The following ABCB4 variants were observed in gnomAD, a reference collection of about 807,000 sequenced individuals.
ABCB4 encodes the protein phosphatidylcholine translocator ABCB4.
In ABCB4, 76 loss-of-function variants were observed where a neutral mutation model predicts 145.7. The ratio of observed to expected loss-of-function variants is 0.52; its 90% CI spans 0.43 to 0.63. The LOEUF (loss-of-function observed/expected upper bound fraction) is 0.63. Among genes scored for constraint, ABCB4 ranks in the 30% least tolerant of loss-of-function variants. ABCB4 has a pLI of 0.00. For synonymous variants in ABCB4, 517 were observed against 566.8 expected (o/e 0.91, Z 1.25); for missense variants, 1,234 against 1,553.1 (o/e 0.79, Z 3.45).
the ABCB4 span, chr7:87,393,066 A>G: frequency 6.2e-7 from 1 of 1,611,514 alleles, no homozygotes. Context: ...CAGAGATGAC[A>G]GGTGAGGCTT....
chr7:87,395,699 C>T, the ABCB4 span, among the ~76,000 whole-genome samples: 2 of 152,088 alleles, frequency 1.3e-5, no homozygotes, highest in Admixed American at 1.3e-4. Context: ...TCAGGAAGTA[C>T]CTAGCCTTTT....
At position 87,463,812 on chromosome 7, in the gene ABCB4, C is replaced by T. The variant is rs146782601; in HGVS notation, c.136-904G>A. Among the ~76,000 whole-genome samples, 621 of 152,276 alleles carry T rather than the reference C, an allele frequency of 4.1e-3. 3 individuals carry two copies. The highest frequency in any genetic ancestry group is 0.014 in the African/African-American group (591 of 41,554). ...AGTTGTCACAGTGAAGTGCACAACC[C>T]TCAAGAACTAACCAGCAGTTCAGTG... On this transcript the variant is annotated intron_variant, in intron 3 of 27. Coordinates refer to ENST00000649586, the MANE Select transcript of ABCB4 (RefSeq NM_000443.4).
chr7:87,420,188 C>T (rs891332382), intron 18 of ABCB4, 113 bp from the exon 19 acceptor site: 53 of 970,388 alleles, frequency 5.5e-5, no homozygotes, highest in African/African-American at 1.8e-4. Flanking sequence ...ACAGTTGCCA[C>T]GGATCCTCAA....
chr7:87,373,199 G>A, the ABCB4 span, among the ~76,000 whole-genome samples: 3 of 152,062 alleles, frequency 2.0e-5, no homozygotes, highest in African/African-American at 7.2e-5. Flanking sequence ...TGATGTTAAA[G>A]ATTTTTTCAC....
intron 2 of ABCB4, 123 bp downstream of exon 2, chr7:87,475,263 A>T: frequency 1.7e-6 from 2 of 1,182,750 alleles, no homozygotes; most frequent in Middle Eastern, 3.8e-4. Flanking sequence ...AGACCCTTCA[A>T]AGAAGCCTCC....
chr7:87,384,807 C>T, the ABCB4 span, among the ~76,000 whole-genome samples: 2 of 152,182 alleles, frequency 1.3e-5, no homozygotes, highest in Non-Finnish European at 2.9e-5. Context: ...TCTTACAGAG[C>T]ATCCTCAATG....
rs1811847765 is a variant in ABCB4, at chr7:87,452,943, C to T, written c.536+1G>A. ...AAGTGTGACATTAACAATGTACCTA[C>T]TCTGTTAGCCGCGTATTGAGTTCAG... On this transcript the variant is annotated splice_donor_variant, in intron 6 of 27. Transcript: ENST00000649586. LOFTEE classifies it high-confidence loss of function. 1 of 1,613,440 alleles carries T rather than the reference C, an allele frequency of 6.2e-7. No individual in the cohort carries two copies. Among genetic ancestry groups the T allele is most frequent in the Admixed American group, 1.7e-5 (1 of 59,976 alleles).
chr7:87,433,271 A>G (rs905522471), intron 14 of ABCB4, among the ~76,000 whole-genome samples: 3 of 152,220 alleles, frequency 2.0e-5, no homozygotes, highest in Admixed American at 1.3e-4. Flanking sequence ...CACTGGAAAG[A>G]GAGAGAGGCT....
At chr7:87,372,356 T>G in the ABCB4 span, among the ~76,000 whole-genome samples, 1 of 152,236 alleles carries the variant, frequency 6.6e-6, no homozygotes, top group Non-Finnish European at 1.5e-5. Flanking sequence ...ATCATTTGCT[T>G]TTGTATCTTG....
chr7:87,426,959 G>GTGTGTGTGTGTT, intron 15 of ABCB4, 39 bp from the exon 16 acceptor site: 1 of 1,510,666 alleles, frequency 6.6e-7, no homozygotes, highest in Non-Finnish European at 9.1e-7. Flanking sequence ...GTGTGTGTGT[G>GTGTGTGTGTGTT]TGTGTGTGTG....
chr7:87,403,034 GT>G (rs1422990369), intron 27 of ABCB4, 100 bp downstream of exon 27: 47 of 1,294,122 alleles, frequency 3.6e-5, no homozygotes, highest in Non-Finnish European at 4.9e-5. Context: ...AACGTTCTGT[GT>G]TTTTCCCCCT....
intron 14 of ABCB4, among the ~76,000 whole-genome samples, chr7:87,435,993 C>A (rs1272553041): frequency 6.6e-6 from 1 of 152,122 alleles, no homozygotes; most frequent in Non-Finnish European, 1.5e-5. Flanking sequence ...ATATTTCCTG[C>A]AGTGACTTGG....
At chr7:87,383,481 T>C in the ABCB4 span, among the ~76,000 whole-genome samples, 6 of 149,396 alleles carry the variant, frequency 4.0e-5, no homozygotes, top group East Asian at 2.0e-4. Flanking sequence ...TAATATTCCA[T>C]TGTGTATGTA....
At chr7:87,420,118 A>T in intron 18 of ABCB4, 43 bp from the exon 19 acceptor site, 1 of 1,568,072 alleles carries the variant, frequency 6.4e-7, no homozygotes, top group Non-Finnish European at 8.8e-7. Flanking sequence ...ATCTTTATGT[A>T]TGTAATTGCA....
chr7:87,461,548 T>A (rs1474800121), intron 4 of ABCB4, among the ~76,000 whole-genome samples: 1 of 152,168 alleles, frequency 6.6e-6, no homozygotes, highest in Non-Finnish European at 1.5e-5. Flanking sequence ...TAAAGTGGAA[T>A]AATGTATGTA....
chr7:87,424,144 G>T, intron 16 of ABCB4, 92 bp from the exon 17 acceptor site: 3 of 1,521,204 alleles, frequency 2.0e-6, no homozygotes, highest in Non-Finnish European at 2.7e-6. Context: ...TGCCCTCAAG[G>T]GACTCGCAAA....
the ABCB4 span, among the ~76,000 whole-genome samples, chr7:87,373,269 C>T: frequency 1.3e-5 from 2 of 151,972 alleles, no homozygotes; most frequent in African/African-American, 4.8e-5. Flanking sequence ...GATACTTGGC[C>T]AATTTTTAAA....
intron 25 of ABCB4, 71 bp from the exon 26 acceptor site, chr7:87,406,565 G>A: frequency 6.5e-7 from 1 of 1,536,542 alleles, no homozygotes; most frequent in South Asian, 1.1e-5. Flanking sequence ...TTACTAGATT[G>A]TCCATTTGGA....
Position 87,422,200 on chromosome 7 carries a change from A to G in ABCB4, c.2237T>C (p.Val746Ala). ...GAATATGTTGCACTTCTGCTGCTTC[A>G]CTGCATCATCGCCTGGTCCAAAAAT... ...IAIFGPGDDA[V>A]KQQKCNIFSL... The change falls in exon 18 of 28, where the codon GTG becomes GCG. Residue 746 changes from valine (V) to alanine (A), a missense_variant. Coordinates refer to ENST00000649586, the MANE Select transcript of ABCB4 (RefSeq NM_000443.4). The G allele has an allele frequency of 6.2e-7, 1 of 1,613,732 alleles. No individual in the cohort carries two copies.
Sources: allele counts gnomAD v4.1 joint callset (sites outside exome capture counted in the v4.1 genomes callset), GRCh38; gene constraint gnomAD v4.1.1; transcripts MANE v1.5; gene names NCBI Gene and HGNC (gene_info 2026-07-23, HGNC 2026-07-21).